NNT: variants seen among roughly 807,000 people sequenced by gnomAD.
NNT encodes the protein nicotinamide nucleotide transhydrogenase, also known as NAD(P) transhydrogenase, mitochondrial.
NNT carries 50 observed loss-of-function variants against 104.8 expected under a neutral mutation model. The ratio of observed to expected loss-of-function variants is 0.48; its 90% confidence interval spans 0.38 to 0.60. NNT has a LOEUF of 0.60. Ranked by LOEUF, NNT falls within the 20% of genes least tolerant of loss-of-function variation. The probability of loss-of-function intolerance (pLI) is 0.00; values close to 1 mark genes in which losing one functional copy is unlikely to be tolerated. For missense variants in NNT, 1,131 were observed against 1,330.7 expected (o/e 0.85, Z 2.33); for synonymous variants, 461 against 490.4 (o/e 0.94, Z 0.79).
chr5:43,656,574 T>G, intron 15 of NNT, 79 bp from the exon 16 acceptor site: 2 of 1,318,314 alleles, frequency 1.5e-6, no homozygotes, highest in South Asian at 1.5e-5. Flanking sequence ...GAGATGACTG[T>G]GTAGAATTCA....
chr5:43,657,245 A>G (rs1372504542), intron 16 of NNT, among the ~76,000 whole-genome samples: 2 of 152,260 alleles, frequency 1.3e-5, no homozygotes, highest in Non-Finnish European at 2.9e-5. Flanking sequence ...ACGAAATCAA[A>G]TAAGTATAAA....
chr5:43,624,258 A>C, intron 6 of NNT, 138 bp downstream of exon 6: 3 of 758,666 alleles, frequency 4.0e-6, no homozygotes, highest in Non-Finnish European at 6.8e-6. Flanking sequence ...AAATGTTTCC[A>C]CTTTTTAAAA....
chr5:43,624,216 T>C (rs1750246573), intron 6 of NNT, 96 bp downstream of exon 6: 5 of 993,586 alleles, frequency 5.0e-6, no homozygotes, highest in Non-Finnish European at 8.1e-6. Flanking sequence ...AAGTAGCACA[T>C]TGCAACTGGT....
At chr5:43,685,066 A>G (rs1580112993) in intron 19 of NNT, among the ~76,000 whole-genome samples, 1 of 152,190 alleles carries the variant, frequency 6.6e-6, no homozygotes, top group East Asian at 1.9e-4. Context: ...CATTTTTGGT[A>G]TAATTTCTAA....
At chr5:43,657,097 C>T (rs1276092055) in intron 16 of NNT, among the ~76,000 whole-genome samples, 1 of 152,118 alleles carries the variant, frequency 6.6e-6, no homozygotes, top group African/African-American at 2.4e-5. Context: ...TGAACAGGAG[C>T]TTAAAAAGGC....
At chr5:43,689,741 T>TC (rs1742166600) in intron 19 of NNT, among the ~76,000 whole-genome samples, 1 of 152,018 alleles carries the variant, frequency 6.6e-6, no homozygotes, top group South Asian at 2.1e-4. Context: ...AAAGGCGAAG[T>TC]CCAAGTCAAA....
intron 19 of NNT, among the ~76,000 whole-genome samples, chr5:43,682,698 G>T (rs1208764614): frequency 6.6e-6 from 1 of 152,148 alleles, no homozygotes; most frequent in African/African-American, 2.4e-5. Flanking sequence ...TTTGAGTAAC[G>T]AAATAGACAT....
At chr5:43,692,968 A>G (rs1742367349) in intron 19 of NNT, among the ~76,000 whole-genome samples, 1 of 152,272 alleles carries the variant, frequency 6.6e-6, no homozygotes, top group East Asian at 1.9e-4. Flanking sequence ...ACATACTCAA[A>G]GATTACACAA....
chr5:43,663,635 A>G (rs1159528336), intron 17 of NNT, among the ~76,000 whole-genome samples: 2 of 152,246 alleles, frequency 1.3e-5, no homozygotes, highest in Non-Finnish European at 2.9e-5. Context: ...GTAGATCGGT[A>G]TAATCATAAA....
intron 19 of NNT, among the ~76,000 whole-genome samples, chr5:43,689,797 G>A (rs540175019): frequency 6.6e-6 from 1 of 152,228 alleles, no homozygotes; most frequent in Non-Finnish European, 1.5e-5. Context: ...CATCTTTTGT[G>A]AAATAGAAAG....
At chr5:43,605,283 G>A (rs1351704800) in intron 1 of NNT, among the ~76,000 whole-genome samples, 2 of 151,860 alleles carry the variant, frequency 1.3e-5, no homozygotes, top group African/African-American at 2.4e-5. Context: ...TTGGGAGGCC[G>A]AGGCGGGTGG....
Position 43,613,021 on chromosome 5 carries a change from G to T in NNT, c.265G>T (p.Val89Phe). The part of the protein sequence containing the change: ...VQNLVKQGFN[V>F]VVESGAGEAS... ...GAACTTGGTCAAGCAGGGTTTTAAT[G>T]TTGTCGTGGAATCGGGTGCGGGCGA... The change falls in exon 3 of 22, where the codon GTT becomes TTT. Residue 89 changes from valine to phenylalanine, a missense_variant. Coordinates refer to ENST00000344920, the MANE Select transcript of NNT (RefSeq NM_182977.3). 1 of 1,614,168 alleles carries T rather than the reference G, an allele frequency of 6.2e-7. No homozygotes were observed. Among genetic ancestry groups the T allele is most frequent in the Non-Finnish European group, 8.5e-7 (1 of 1,180,026 alleles).
At chr5:43,617,304 A>G (rs1318561112) in intron 4 of NNT, among the ~76,000 whole-genome samples, 3 of 152,224 alleles carry the variant, frequency 2.0e-5, no homozygotes, top group Non-Finnish European at 2.9e-5. Flanking sequence ...CAATATAAAT[A>G]AATCCAGTAA....
At chr5:43,642,032 C>T (rs969943856) in intron 7 of NNT, among the ~76,000 whole-genome samples, 11 of 152,152 alleles carry the variant, frequency 7.2e-5, no homozygotes, top group African/African-American at 2.7e-4. Context: ...AGGGACTGAT[C>T]CTTAGCTATG....
chr5:43,691,090 T>A (rs1742256743), intron 19 of NNT, among the ~76,000 whole-genome samples: 2 of 151,624 alleles, frequency 1.3e-5, no homozygotes, highest in African/African-American at 4.8e-5. Context: ...TGTGTGTGTG[T>A]GTGTGTGTGT....
chr5:43,657,396 A>C (rs1462550614), intron 16 of NNT, among the ~76,000 whole-genome samples: 1 of 152,184 alleles, frequency 6.6e-6, no homozygotes, highest in Non-Finnish European at 1.5e-5. Context: ...TGTCTATGTG[A>C]CAGTCTGGCA....
Position 43,647,518 on chromosome 5 carries a change from A to G in NNT, c.1445-1629A>G, listed in dbSNP as rs546669265. On this transcript the variant is annotated intron_variant, in intron 10 of 21. Coordinates refer to ENST00000344920, the MANE Select transcript of NNT (RefSeq NM_182977.3). ...TTCTTTATCTTGAACTCCCTCTTTC[A>G]TATTAAAAATAAGTATTTTTCTTTT... Among the ~76,000 whole-genome samples, 6 of 152,260 alleles carry G rather than the reference A, an allele frequency of 3.9e-5. No homozygotes were observed. The South Asian group carries it at 1.2e-3, about 32-fold the overall frequency.
intron 11 of NNT, 57 bp from the exon 12 acceptor site, chr5:43,650,420 A>G: frequency 8.1e-7 from 1 of 1,229,828 alleles, no homozygotes; most frequent in Non-Finnish European, 1.2e-6. Flanking sequence ...TTCAGCTATG[A>G]TATTTGATTT....
At chr5:43,610,631 T>C (rs982812594) in intron 2 of NNT, among the ~76,000 whole-genome samples, 2 of 152,220 alleles carry the variant, frequency 1.3e-5, no homozygotes, top group African/African-American at 4.8e-5. Flanking sequence ...TGAGATCTTA[T>C]GTCTGCCTTG....
Sources: gnomAD v4.1 joint callset for allele counts (sites outside exome capture counted in the v4.1 genomes callset) on GRCh38, gnomAD v4.1.1 for gene constraint, MANE v1.5 for transcripts, NCBI Gene and HGNC (gene_info 2026-07-23, HGNC 2026-07-21) for gene names.